SGMS1: variants seen among roughly 807,000 people sequenced by gnomAD.
The protein encoded by SGMS1 is phosphatidylcholine:ceramide cholinephosphotransferase 1.
SGMS1 carries 13 observed loss-of-function variants against 46.2 expected under a neutral mutation model. The ratio of observed to expected loss-of-function variants is 0.28; its 90% CI spans 0.18 to 0.45. The LOEUF (loss-of-function observed/expected upper bound fraction) is 0.45. Among genes scored for constraint, SGMS1 ranks in the 20% least tolerant of loss-of-function variants. The pLI, the probability that SGMS1 is intolerant of heterozygous loss-of-function variation, is 1.00. For missense variants in SGMS1, 324 were observed against 519.9 expected (o/e 0.62, Z 3.66); for synonymous variants, 203 against 187.8 (o/e 1.08, Z -0.66).
At chr10:50,366,439 T>A (rs550936292) in intron 6 of SGMS1, among the ~76,000 whole-genome samples, 1 of 152,152 alleles carries the variant, frequency 6.6e-6, no homozygotes, top group South Asian at 2.1e-4. Context: ...GACCCAGCAA[T>A]CCCATTACTG....
chr10:50,435,699 G>C (rs1481527110), intron 5 of SGMS1, among the ~76,000 whole-genome samples: 1 of 151,978 alleles, frequency 6.6e-6, no homozygotes, highest in Non-Finnish European at 1.5e-5. Flanking sequence ...TCTAATGCTG[G>C]GCACCACATC....
At chr10:50,490,797 T>C (rs1837560618) in intron 3 of SGMS1, among the ~76,000 whole-genome samples, 1 of 152,150 alleles carries the variant, frequency 6.6e-6, no homozygotes, top group Non-Finnish European at 1.5e-5. Flanking sequence ...TGAACACATG[T>C]TAGCTATTAT....
chr10:50,356,369 A>G (rs571975519), intron 6 of SGMS1, among the ~76,000 whole-genome samples: 3 of 152,308 alleles, frequency 2.0e-5, no homozygotes, highest in African/African-American at 4.8e-5. Context: ...CATACTCCTT[A>G]AGAGTCATCA....
intron 7 of SGMS1, among the ~76,000 whole-genome samples, chr10:50,332,001 T>G (rs1292679425): frequency 6.6e-6 from 1 of 152,212 alleles, no homozygotes; most frequent in Non-Finnish European, 1.5e-5. Flanking sequence ...TAAGGTAGCT[T>G]CCTAAAATCC....
chr10:50,383,273 G>A (rs1196031273), intron 6 of SGMS1, among the ~76,000 whole-genome samples: 1 of 152,082 alleles, frequency 6.6e-6, no homozygotes, highest in Non-Finnish European at 1.5e-5. Context: ...GTTTACAGAT[G>A]AATAGAGCCG....
chr10:50,472,400 G>A (rs1837386257), intron 3 of SGMS1, among the ~76,000 whole-genome samples: 1 of 152,010 alleles, frequency 6.6e-6, no homozygotes, highest in African/African-American at 2.4e-5. Context: ...CTACTTCTAT[G>A]AGTTTGACTT....
chr10:50,362,094 T>C (rs748148423), intron 6 of SGMS1, among the ~76,000 whole-genome samples: 1 of 152,200 alleles, frequency 6.6e-6, no homozygotes, highest in Non-Finnish European at 1.5e-5. Context: ...GTTTCCTGAA[T>C]ACCTAATTAA....
At chr10:50,583,763 A>T (rs989545383) in intron 2 of SGMS1, among the ~76,000 whole-genome samples, 4 of 152,194 alleles carry the variant, frequency 2.6e-5, no homozygotes, top group African/African-American at 9.7e-5. Context: ...GTCACTTGCA[A>T]CCAAGGCACT....
At chr10:50,567,255 T>G (rs1838296837) in intron 2 of SGMS1, among the ~76,000 whole-genome samples, 2 of 152,216 alleles carry the variant, frequency 1.3e-5, no homozygotes, top group Admixed American at 6.5e-5. Context: ...TATACTGTAT[T>G]TTTTATTGTG....
At chr10:50,330,293 A>AAAAACAAAACAAAAC (rs10678162) in intron 7 of SGMS1, among the ~76,000 whole-genome samples, 20,515 of 150,072 alleles carry the variant, frequency 0.14, 1,785 homozygotes, top group East Asian at 0.22. Flanking sequence ...GTCTCTACTA[A>AAAAACAAAACAAAAC]AAAACAAAAC....
intron 1 of SGMS1, among the ~76,000 whole-genome samples, chr10:50,607,114 G>C (rs899305104): frequency 6.6e-6 from 1 of 151,226 alleles, no homozygotes; most frequent in Non-Finnish European, 1.5e-5. Context: ...AAGTAGCTGG[G>C]ACTACAGATG....
chr10:50,572,594 A>C (rs562965603), intron 2 of SGMS1, among the ~76,000 whole-genome samples: 1 of 152,292 alleles, frequency 6.6e-6, no homozygotes, highest in Admixed American at 6.5e-5. Context: ...TCTGTTTTGT[A>C]CACTGAGTTT....
chr10:50,618,180 G>A (rs1838815932), intron 1 of SGMS1, among the ~76,000 whole-genome samples: 1 of 152,176 alleles, frequency 6.6e-6, no homozygotes, highest in African/African-American at 2.4e-5. Context: ...AAAAAATAAT[G>A]TGAGATTCCT....
At chr10:50,584,270 G>A (rs192768914) in intron 2 of SGMS1, among the ~76,000 whole-genome samples, 10 of 152,156 alleles carry the variant, frequency 6.6e-5, no homozygotes, top group African/African-American at 2.4e-4. Flanking sequence ...GAGGCCAATG[G>A]GGGAGGATCA....
chr10:50,580,426 C>CG (rs1015911724), intron 2 of SGMS1, among the ~76,000 whole-genome samples: 8 of 150,570 alleles, frequency 5.3e-5, no homozygotes, highest in African/African-American at 1.7e-4. Flanking sequence ...AGTTAGGGAC[C>CG]CCCCCCCAAA....
At chr10:50,475,538 T>C (rs536818676) in intron 3 of SGMS1, among the ~76,000 whole-genome samples, 1 of 152,358 alleles carries the variant, frequency 6.6e-6, no homozygotes, top group African/African-American at 2.4e-5. Context: ...CTCATCAGGC[T>C]ATGAATAACT....
chr10:50,506,274 C>T (rs1837706030), intron 3 of SGMS1, among the ~76,000 whole-genome samples: 1 of 152,146 alleles, frequency 6.6e-6, no homozygotes, highest in African/African-American at 2.4e-5. Flanking sequence ...CCTCAATAAA[C>T]TAATCTCCAT....
At chr10:50,538,314 C>T (rs1022565936) in intron 2 of SGMS1, among the ~76,000 whole-genome samples, 2 of 151,332 alleles carry the variant, frequency 1.3e-5, no homozygotes, top group Admixed American at 6.6e-5. Flanking sequence ...AAAAATTAGC[C>T]GGGCGTGGTG....
chr10:50,386,616 T>C (rs957987813), intron 6 of SGMS1, among the ~76,000 whole-genome samples: 4 of 152,188 alleles, frequency 2.6e-5, no homozygotes, highest in African/African-American at 9.7e-5. Context: ...CTCTGGCTCC[T>C]AGGCTAGGAA....
Sources: allele counts gnomAD v4.1 joint callset (sites outside exome capture counted in the v4.1 genomes callset), GRCh38; gene constraint gnomAD v4.1.1; transcripts MANE v1.5; gene names NCBI Gene and HGNC (gene_info 2026-07-23, HGNC 2026-07-21).